The following CEP128 variants were observed in gnomAD, a reference collection of about 807,000 sequenced individuals.
The protein encoded by CEP128 is centrosomal protein 128.
Under a neutral mutation model 156.7 loss-of-function variants are expected in CEP128, and 132 were observed. That is an observed-to-expected ratio of 0.84 (90% CI 0.73 to 0.97). The LOEUF is 0.97. Ranked by LOEUF, CEP128 falls within the 50% of genes least tolerant of loss-of-function variation. CEP128 has a pLI of 0.00. For missense variants in CEP128, 1,252 were observed against 1,281.9 expected (o/e 0.98, Z 0.36); for synonymous variants, 469 against 448.9 (o/e 1.04, Z -0.57).
rs544321580 is a variant in CEP128, at chr14:80,823,742, C to T, written c.1209+7401G>A. Among the ~76,000 whole-genome samples the T allele has an allele frequency of 5.9e-5, 9 of 152,340 alleles. No homozygotes were observed. The South Asian group carries it at 6.2e-4, about 11-fold the overall frequency. ...GCTTTGCAGGGTAGAGCTCCCCTCA[C>T]GGCTGCTTTCACGGACTGGCACTGA... On this transcript the variant is annotated intron_variant, in intron 13 of 24. Transcript: ENST00000555265.
At position 80,681,552 on chromosome 14, in the gene CEP128, A is replaced by T. The variant is rs547904495; in HGVS notation, c.2806+61523T>A. Among the ~76,000 whole-genome samples the T allele has an allele frequency of 9.2e-5, 14 of 152,230 alleles. No individual in the cohort carries two copies. In the East Asian group the frequency reaches 2.7e-3, roughly 29 times the overall value. ...TTGTGGGAGGGAGCAGGTGGGAGGT[A>T]ATTGAATCACGGGGGTGGTTTCCCC... On this transcript the variant is annotated intron_variant, in intron 19 of 24. Coordinates refer to ENST00000555265, the MANE Select transcript of CEP128 (RefSeq NM_152446.5).
chr14:80,490,194 C>A (rs1284957768), downstream of CEP128, among the ~76,000 whole-genome samples: 1 of 151,568 alleles, frequency 6.6e-6, no homozygotes, highest in Non-Finnish European at 1.5e-5. Context: ...TCAGGGACAA[C>A]AAGATGGAAA....
intron 18 of CEP128, among the ~76,000 whole-genome samples, 167 bp from the exon 19 acceptor site, chr14:80,743,434 A>G (rs1257830159): frequency 6.6e-6 from 1 of 152,216 alleles, no homozygotes; most frequent in Non-Finnish European, 1.5e-5. Flanking sequence ...GGTCTACAGC[A>G]AGTAAAAGCT....
intron 17 of CEP128, among the ~76,000 whole-genome samples, chr14:80,758,616 T>C (rs955865824): frequency 1.3e-5 from 2 of 151,774 alleles, no homozygotes; most frequent in African/African-American, 4.8e-5. Flanking sequence ...TATCAAGATG[T>C]CACTATTAAT....
chr14:80,729,098 T>TGTGTGTGTGTGTGTGTGC (rs1898156998), intron 19 of CEP128, among the ~76,000 whole-genome samples: 1 of 75,764 alleles, frequency 1.3e-5, no homozygotes, highest in African/African-American at 3.1e-5. Flanking sequence ...TGTGTGTGTG[T>TGTGTGTGTGTGTGTGTGC]GTGTGTGTGT....
intron 19 of CEP128, among the ~76,000 whole-genome samples, chr14:80,597,858 A>G (rs1892399711): frequency 6.6e-6 from 1 of 151,448 alleles, no homozygotes; most frequent in Non-Finnish European, 1.5e-5. Context: ...GATCATATCA[A>G]TCAATGAATA....
intron 21 of CEP128, among the ~76,000 whole-genome samples, chr14:80,556,173 T>C (rs915880215): frequency 2.0e-5 from 3 of 152,114 alleles, no homozygotes; most frequent in Non-Finnish European, 2.9e-5. Flanking sequence ...CTGAAGGTGG[T>C]TCCATCCCAG....
At chr14:80,737,457 G>C (rs542888017) in intron 19 of CEP128, among the ~76,000 whole-genome samples, 1 of 151,680 alleles carries the variant, frequency 6.6e-6, no homozygotes, top group Non-Finnish European at 1.5e-5. Flanking sequence ...AATAAAAGAA[G>C]GGGTAACTTC....
intron 19 of CEP128, among the ~76,000 whole-genome samples, chr14:80,736,640 G>A: frequency 6.6e-6 from 1 of 151,984 alleles, no homozygotes; most frequent in East Asian, 1.9e-4. Flanking sequence ...ATACATTACT[G>A]GAAATATTGA....
intron 8 of CEP128, among the ~76,000 whole-genome samples, chr14:80,873,421 A>T (rs561034370): frequency 6.6e-6 from 1 of 152,230 alleles, no homozygotes; most frequent in Non-Finnish European, 1.5e-5. Context: ...TATGTGAAAG[A>T]AATCCAAATA....
intron 19 of CEP128, among the ~76,000 whole-genome samples, chr14:80,665,644 C>T (rs1200929032): frequency 6.6e-6 from 1 of 152,002 alleles, no homozygotes; most frequent in Admixed American, 6.6e-5. Context: ...ACCTGAATCA[C>T]TGTCTAAACA....
intron 18 of CEP128, among the ~76,000 whole-genome samples, chr14:80,748,354 T>A (rs1189071486): frequency 6.6e-6 from 1 of 152,212 alleles, no homozygotes; most frequent in Non-Finnish European, 1.5e-5. Flanking sequence ...ATATGTACTT[T>A]CTATTATAAT....
intron 21 of CEP128, among the ~76,000 whole-genome samples, chr14:80,554,986 T>C (rs2140353645): frequency 6.6e-6 from 1 of 152,206 alleles, no homozygotes; most frequent in East Asian, 1.9e-4. Context: ...TACTGACCAG[T>C]ATGAACTAAC....
At position 80,792,813 on chromosome 14, in the gene CEP128, C is replaced by T. The variant is rs189249742; in HGVS notation, c.1507G>A (p.Ala503Thr). 130 of 1,614,178 alleles carry T rather than the reference C, an allele frequency of 8.1e-5. No homozygotes were observed. In the Admixed American group the frequency reaches 2.1e-3, roughly 26 times the overall value. Residue 503 changes from alanine (A) to threonine (T), a missense_variant, in exon 14 of 25, where the codon GCG becomes ACG. By Grantham distance (58) the Ala-to-Thr change is moderately conservative. Transcript: ENST00000555265. The part of the protein sequence containing the change: ...WKLKHKKLER[A>T]LEKQSETVDE... ...ACAGTTTCAGATTGTTTCTCCAACG[C>T]TCGTTCTAACTTCTTATGCTTAAGC...
intron 20 of CEP128, among the ~76,000 whole-genome samples, chr14:80,564,415 AG>A (rs1430786248): frequency 6.6e-6 from 1 of 152,236 alleles, no homozygotes; most frequent in Non-Finnish European, 1.5e-5. Flanking sequence ...CATATGATAT[AG>A]GATTCCCTCA....
chr14:80,677,082 T>C (rs1223113771), intron 19 of CEP128, among the ~76,000 whole-genome samples: 2 of 152,224 alleles, frequency 1.3e-5, no homozygotes, highest in South Asian at 4.1e-4. Context: ...AGTAGATCTA[T>C]CATCCCATGA....
chr14:80,522,444 T>C (rs529505384), intron 23 of CEP128, among the ~76,000 whole-genome samples: 1 of 152,348 alleles, frequency 6.6e-6, no homozygotes, highest in South Asian at 2.1e-4. Context: ...CCATTATTAA[T>C]GCTTCCTCAC....
intron 2 of CEP128, among the ~76,000 whole-genome samples, chr14:80,953,244 AC>A (rs1319986859): frequency 3.9e-5 from 6 of 152,244 alleles, no homozygotes; most frequent in Non-Finnish European, 7.3e-5. Context: ...TCTATGTAAA[AC>A]TTTTAAACAG....
At chr14:80,496,267 T>C (rs1887491575), downstream of CEP128, among the ~76,000 whole-genome samples, 1 of 152,192 alleles carries the variant, frequency 6.6e-6, no homozygotes, top group Non-Finnish European at 1.5e-5. Flanking sequence ...ATAGCTATAC[T>C]CTCAGGTTAC....
Sources: gnomAD v4.1 joint callset for allele counts (sites outside exome capture counted in the v4.1 genomes callset) on GRCh38, gnomAD v4.1.1 for gene constraint, MANE v1.5 for transcripts, NCBI Gene and HGNC (gene_info 2026-07-23, HGNC 2026-07-21) for gene names.